SSBP3: variants seen among roughly 807,000 people sequenced by gnomAD.
SSBP3 encodes single-stranded DNA-binding protein 3.
A neutral mutation model predicts 69.6 loss-of-function variants in SSBP3; 5 were observed. That is an observed-to-expected ratio of 0.07 (90% CI 0.04 to 0.15). The LOEUF (loss-of-function observed/expected upper bound fraction) is 0.15. Ranked by LOEUF, SSBP3 falls within the 10% of genes least tolerant of loss-of-function variation. The pLI is 1.00. For missense variants in SSBP3, 312 were observed against 534.0 expected (o/e 0.58, Z 4.10); for synonymous variants, 196 against 193.4 (o/e 1.01, Z -0.11).
chr1:54,263,846 C>T (rs953101805), intron 5 of SSBP3, among the ~76,000 whole-genome samples: 8 of 152,160 alleles, frequency 5.3e-5, no homozygotes, highest in South Asian at 4.1e-4. Context: ...CAGCAAGCCC[C>T]GGGGCAGGCA....
chr1:54,285,577 T>C (rs1417593363), intron 4 of SSBP3: 1 of 152,182 alleles, frequency 6.6e-6, no homozygotes, highest in Non-Finnish European at 1.5e-5. Context: ...CCAATCATGA[T>C]TACTACGTGT....
At chr1:54,286,654 C>T (rs1645495119) in intron 4 of SSBP3, 1 of 152,398 alleles carries the variant, frequency 6.6e-6, no homozygotes, top group African/African-American at 2.4e-5. Flanking sequence ...GTAAGGACAC[C>T]TGAAAACCTC....
At chr1:54,412,936 A>G (rs1650029705) in intron 1 of SSBP3, 1 of 152,148 alleles carries the variant, frequency 6.6e-6, no homozygotes, top group Non-Finnish European at 1.5e-5. Context: ...GCTGGTCTCA[A>G]AACTCCTGAC....
intron 4 of SSBP3, among the ~76,000 whole-genome samples, chr1:54,381,217 T>C (rs1439337035): frequency 6.6e-6 from 1 of 151,952 alleles, no homozygotes; most frequent in East Asian, 1.9e-4. Flanking sequence ...ATTCCGTCTC[T>C]ACTAAAAATA....
chr1:54,311,996 T>C (rs1326695407), intron 4 of SSBP3, among the ~76,000 whole-genome samples: 1 of 152,092 alleles, frequency 6.6e-6, no homozygotes, highest in African/African-American at 2.4e-5. Flanking sequence ...CACCGGCTGA[T>C]TTGCCTCCAC....
chr1:54,412,306 G>A (rs1003724032), intron 1 of SSBP3, among the ~76,000 whole-genome samples: 20 of 152,166 alleles, frequency 1.3e-4, no homozygotes, highest in African/African-American at 4.8e-4. Context: ...TCCAGCCAGG[G>A]CGACAGAACG....
At chr1:54,383,163 C>A (rs1647808472) in intron 4 of SSBP3, among the ~76,000 whole-genome samples, 1 of 151,692 alleles carries the variant, frequency 6.6e-6, no homozygotes, top group Non-Finnish European at 1.5e-5. Context: ...TGTCTGAGCT[C>A]AGGAGTTTGA....
At chr1:54,346,740 G>A (rs369237906) in intron 4 of SSBP3, among the ~76,000 whole-genome samples, 8 of 151,788 alleles carry the variant, frequency 5.3e-5, no homozygotes, top group Non-Finnish European at 7.4e-5. Context: ...GCGTGAACCC[G>A]GGAGGCGGAG....
chr1:54,292,723 G>A (rs1293587047), intron 4 of SSBP3, among the ~76,000 whole-genome samples: 1 of 152,152 alleles, frequency 6.6e-6, no homozygotes, highest in Non-Finnish European at 1.5e-5. Flanking sequence ...GAATGCTAAT[G>A]CCTCCAACAG....
At chr1:54,352,950 G>GGC (rs1322050638) in intron 4 of SSBP3, among the ~76,000 whole-genome samples, 3 of 152,330 alleles carry the variant, frequency 2.0e-5, no homozygotes, top group East Asian at 1.9e-4. Context: ...GCCGACGCCG[G>GGC]GCCCCTCAAC....
At chr1:54,232,379 C>T (rs1644395111) in intron 14 of SSBP3, among the ~76,000 whole-genome samples, 1 of 152,172 alleles carries the variant, frequency 6.6e-6, no homozygotes, top group African/African-American at 2.4e-5. Flanking sequence ...GCCTCAGCCT[C>T]CTGAATAGCT....
At chr1:54,344,784 G>A (rs1261960138) in intron 4 of SSBP3, among the ~76,000 whole-genome samples, 2 of 152,224 alleles carry the variant, frequency 1.3e-5, no homozygotes, top group Non-Finnish European at 2.9e-5. Flanking sequence ...GGCCAAAGCA[G>A]GAGGATCACT....
At position 54,395,032 on chromosome 1, in the gene SSBP3, T is replaced by TG. The variant is rs1259469695; in HGVS notation, c.276+6828dup. Among the ~76,000 whole-genome samples the TG allele has an allele frequency of 2.0e-5, 3 of 151,304 alleles. 1 individual carries two copies. Among genetic ancestry groups the TG allele is most frequent in the Admixed American group, 2.0e-4 (3 of 15,196 alleles). On this transcript the variant is annotated intron_variant, in intron 4 of 17. Transcript: ENST00000610401. The stretch of plus-strand genomic sequence containing the variant: ...CTCCTTTTTTTTTTTTTATTGTATG[T>TG]GGGAATCGCCTTTGTGGGATTTCCA...
At chr1:54,306,038 C>T (rs1396126304) in intron 4 of SSBP3, among the ~76,000 whole-genome samples, 1 of 151,728 alleles carries the variant, frequency 6.6e-6, no homozygotes, top group Non-Finnish European at 1.5e-5. Flanking sequence ...CCAGACTTCC[C>T]CCAGCTGAAG....
chr1:54,391,960 G>A (rs911872619), intron 4 of SSBP3, among the ~76,000 whole-genome samples: 3 of 152,044 alleles, frequency 2.0e-5, no homozygotes, highest in Non-Finnish European at 4.4e-5. Flanking sequence ...AACTCCTCCA[G>A]CTTTGCCTAG....
chr1:54,398,708 ACCGTGACCCTCCTC>A lies in SSBP3; in HGVS notation c.276+3139_276+3152del, dbSNP rs1008904997. 7.4e-4 allele frequency among the ~76,000 whole-genome samples: 113 copies of A among 152,198 alleles called. 1 individual carries two copies. The highest frequency in any genetic ancestry group is 3.4e-3 in the Middle Eastern group (1 of 292). On this transcript the variant is annotated intron_variant, in intron 4 of 17. Coordinates refer to ENST00000610401, the Ensembl canonical transcript of SSBP3. ...GTAACAGCAAGGAAATTACAATGGG[ACCGTGACCCTCCTC>A]CCGTGACCCTCCTCCCATGACCCGG... is the stretch of plus-strand genomic sequence containing the variant.
chr1:54,254,366 C>CT lies in SSBP3; in HGVS notation c.508-2507dup, dbSNP rs1308842553. Among the ~76,000 whole-genome samples the CT allele has an allele frequency of 2.6e-5, 4 of 152,338 alleles. No individual in the cohort carries two copies. The East Asian group carries it at 7.7e-4, about 29-fold the overall frequency. On this transcript the variant is annotated intron_variant, in intron 7 of 17. Coordinates refer to ENST00000610401, the Ensembl canonical transcript of SSBP3. ...GCCGAGATGTGTGTGGGAGAGCTCT[C>CT]TGACAACCCTGGATTCCAGCCACTC... is the stretch of plus-strand genomic sequence containing the variant.
chr1:54,386,683 C>CTTTTTTTTTTTTTGTTTTTT (rs1648106798), intron 4 of SSBP3, among the ~76,000 whole-genome samples: 1 of 76,136 alleles, frequency 1.3e-5, no homozygotes, highest in Non-Finnish European at 2.4e-5. Flanking sequence ...ACTGATCCTA[C>CTTTTTTTTTTTTTGTTTTTT]TTTTTTTTTT....
intron 4 of SSBP3, among the ~76,000 whole-genome samples, chr1:54,287,919 C>G (rs1645521071): frequency 6.6e-6 from 1 of 152,128 alleles, no homozygotes; most frequent in Non-Finnish European, 1.5e-5. Context: ...GAGGCAGAAC[C>G]AGCTGACGTT....
Sources: allele counts gnomAD v4.1 joint callset (sites outside exome capture counted in the v4.1 genomes callset), GRCh38; gene constraint gnomAD v4.1.1; transcripts MANE v1.5; gene names NCBI Gene and HGNC (gene_info 2026-07-23, HGNC 2026-07-21).